GZF1: variants seen among roughly 807,000 people sequenced by gnomAD.
GZF1 encodes the protein GDNF inducible zinc finger protein 1.
In GZF1, 28 loss-of-function variants were observed where a neutral mutation model predicts 49.4. The ratio of observed to expected loss-of-function variants is 0.57; its 90% confidence interval spans 0.42 to 0.78. GZF1 has a LOEUF of 0.78. Ranked by LOEUF, GZF1 falls within the 30% of genes least tolerant of loss-of-function variation. The pLI, the probability that GZF1 is intolerant of heterozygous loss-of-function variation, is 0.00. For synonymous variants in GZF1, 364 were observed against 356.0 expected (o/e 1.02, Z -0.25); for missense variants, 798 against 916.2 (o/e 0.87, Z 1.67).
intron 4 of GZF1, 38 bp from the exon 5 acceptor site, chr20:23,369,546 A>G: frequency 1.9e-6 from 3 of 1,569,668 alleles, no homozygotes; most frequent in Non-Finnish European, 2.6e-6. Flanking sequence ...CAGTAGGCCA[A>G]AGGGACCCAC....
In GZF1 at chr20:23,365,563, C is replaced by A. The variant is rs1378193852; in HGVS notation, c.1180C>A (p.Arg394=). The change falls in exon 2 of 6, where the codon CGG becomes AGG. Residue 394 remains arginine, a synonymous_variant. Coordinates refer to ENST00000338121, the MANE Select transcript of GZF1 (RefSeq NM_022482.5). The part of the protein sequence containing the change: ...KKFKRKKDVK[R]HVLQVHEGGG... ...GTTCAAGCGCAAGAAGGACGTGAAG[C>A]GGCACGTGCTGCAGGTGCATGAGGG... is the stretch of plus-strand genomic sequence containing the variant. 2.5e-6 allele frequency: 4 copies of A among 1,612,114 alleles called. No individual in the cohort carries two copies. The highest frequency in any genetic ancestry group is 3.4e-6 in the Non-Finnish European group (4 of 1,179,626).
At chr20:23,366,298 T>C (rs1043025178) in intron 2 of GZF1, among the ~76,000 whole-genome samples, 14 of 152,252 alleles carry the variant, frequency 9.2e-5, no homozygotes, top group Admixed American at 7.2e-4. Flanking sequence ...AGTTTTCTTA[T>C]AGTTCTTAGT....
chr20:23,366,321 G>C (rs1981379186), intron 2 of GZF1, among the ~76,000 whole-genome samples: 1 of 152,166 alleles, frequency 6.6e-6, no homozygotes, highest in Non-Finnish European at 1.5e-5. Flanking sequence ...ATTTATTCTT[G>C]AAATCCCAAC....
At chr20:23,365,976 G>A (rs1981319874) in intron 2 of GZF1, among the ~76,000 whole-genome samples, 1 of 152,376 alleles carries the variant, frequency 6.6e-6, no homozygotes, top group South Asian at 2.1e-4. Flanking sequence ...ACGTCCCTCT[G>A]GTGGGACCGC....
chr20:23,367,199 A>G, intron 3 of GZF1, 102 bp downstream of exon 3: 1 of 771,126 alleles, frequency 1.3e-6, no homozygotes, highest in East Asian at 2.6e-5. Context: ...GTGCAGGTTA[A>G]AGCCATGATA....
chr20:23,365,301 G>C lies in GZF1; in HGVS notation c.918G>C (p.Glu306Asp), dbSNP rs529069905. The change falls in exon 2 of 6, where the codon GAG becomes GAC. Residue 306 changes from glutamate (E) to aspartate (D), a missense_variant. Transcript: ENST00000338121. ...AGGAGGAAGAGGAGGAGGAGGAGGA[G>C]GACGAAGAAGGGGAGAAGAAGAAGA... ...GPEEEEEEEE[E>D]DEEGEKKKSN... 4.4e-6 allele frequency: 7 copies of C among 1,605,168 alleles called. No individual in the cohort carries two copies. The highest frequency in any genetic ancestry group is 1.7e-4 in the Middle Eastern group (1 of 6,024).
In GZF1 at chr20:23,370,709, G is replaced by A. The variant is rs567323875; in HGVS notation, c.*268G>A. On this transcript the variant is annotated 3_prime_UTR_variant, in exon 6 of 6. Coordinates refer to ENST00000338121, the MANE Select transcript of GZF1 (RefSeq NM_022482.5). Reference sequence around the variant, plus strand: ...CACTTAATTCTGGTGTAGGGTGTATGTGCTAATCGTTCTAATTCTTGATTA... The same window carrying A: ...CACTTAATTCTGGTGTAGGGTGTATATGCTAATCGTTCTAATTCTTGATTA... 1.8e-5 allele frequency: 8 copies of A among 435,094 alleles called. No individual in the cohort carries two copies. The highest frequency in any genetic ancestry group is 3.3e-5 in the Non-Finnish European group (8 of 242,234). 27.0% of individuals were successfully genotyped at this position (435,094 alleles called of 1,614,324 possible).
chr20:23,366,381 G>T (rs1981390189), intron 2 of GZF1, among the ~76,000 whole-genome samples: 1 of 152,206 alleles, frequency 6.6e-6, no homozygotes, highest in African/African-American at 2.4e-5. Flanking sequence ...ACCTAGGTCA[G>T]TCTTGGGTTA....
At chr20:23,367,977 C>CA (rs941934177) in intron 3 of GZF1, among the ~76,000 whole-genome samples, 35 of 152,216 alleles carry the variant, frequency 2.3e-4, no homozygotes, top group African/African-American at 8.4e-4. Flanking sequence ...TTAGACACCA[C>CA]ATCTGTGTGA....
At chr20:23,364,148 A>G (rs1981014844) in intron 1 of GZF1, among the ~76,000 whole-genome samples, 1 of 152,236 alleles carries the variant, frequency 6.6e-6, no homozygotes, top group African/African-American at 2.4e-5. Context: ...CTTAGAATAC[A>G]CTATTTTTCA....
chr20:23,369,704 C>G lies in GZF1; in HGVS notation c.1748C>G (p.Thr583Arg). The change falls in exon 5 of 6, where the codon ACA (threonine) becomes AGA (arginine). Residue 583 changes from threonine to arginine, a missense_variant. Coordinates refer to ENST00000338121, the MANE Select transcript of GZF1 (RefSeq NM_022482.5). ...RPFMCNACGR[T>R]FTDKSTLRRH... is the part of the protein sequence containing the mutation. ...TTCATGTGCAATGCGTGCGGACGGA[C>G]ATTCACCGACAAGTCCACTCTTCGG... 1 of 1,613,554 alleles carries G rather than the reference C, an allele frequency of 6.2e-7. No individual in the cohort carries two copies. The highest frequency in any genetic ancestry group is 8.5e-7 in the Non-Finnish European group (1 of 1,179,736).
rs1280395999 is a variant in GZF1 at position 23,372,064 on chromosome 20, CTG to C, written c.*1625_*1626del. 2.0e-5 allele frequency: 3 copies of C among 152,610 alleles called. No individual in the cohort carries two copies. The highest frequency in any genetic ancestry group is 7.2e-5 in the African/African-American group (3 of 41,444). The allele number at this position is 152,610 out of a possible 1,614,324, so 9.5% of individuals were successfully genotyped here. ...TGTTTACAGCACAAATAAATAATGA[CTG>C]TCATACATCCAGAGGAGACCGAACC... On this transcript the variant is annotated 3_prime_UTR_variant, in exon 6 of 6. Transcript: ENST00000338121.
In GZF1 at chr20:23,365,411, C is replaced by T. The variant is rs1981211307; in HGVS notation, c.1028C>T (p.Ala343Val). ...CACAGCAAGCACCGCCACGGCGTGGCCACCGAGGTGGTGTACCGCTGCGAC... is the reference window on the plus strand; with the variant it reads ...CACAGCAAGCACCGCCACGGCGTGGTCACCGAGGTGGTGTACCGCTGCGAC... ...LKHSKHRHGV[A>V]TEVVYRCDTC... Residue 343 changes from alanine to valine, a missense_variant, in exon 2 of 6, where the codon GCC becomes GTC. Ala to Val is a moderately conservative substitution (Grantham distance 64). Around this residue, in one of 3 missense-constraint regions of GZF1, gnomAD observed 446 missense variants for 540.1 expected, o/e 0.83. Transcript: ENST00000338121. 1.2e-6 allele frequency: 2 copies of T among 1,613,728 alleles called. No individual in the cohort carries two copies. Among genetic ancestry groups the T allele is most frequent in the Non-Finnish European group, 1.7e-6 (2 of 1,180,044 alleles).
intron 2 of GZF1, among the ~76,000 whole-genome samples, chr20:23,365,987 G>A (rs749000925): frequency 7.9e-5 from 12 of 152,242 alleles, no homozygotes; most frequent in Non-Finnish European, 1.6e-4. Context: ...GTGGGACCGC[G>A]ACAGCGGCCG....
chr20:23,368,558 T>C (rs188566779), intron 3 of GZF1, among the ~76,000 whole-genome samples: 26 of 152,348 alleles, frequency 1.7e-4, no homozygotes, highest in Admixed American at 1.4e-3. Flanking sequence ...TCTTGCAATT[T>C]CCAAGGATAT....
chr20:23,365,564 G>C lies in GZF1; in HGVS notation c.1181G>C (p.Arg394Pro). 1.2e-6 allele frequency: 2 copies of C among 1,612,172 alleles called. No individual in the cohort carries two copies. Among genetic ancestry groups the C allele is most frequent in the South Asian group, 1.1e-5 (1 of 91,032 alleles). ...KKFKRKKDVK[R>P]HVLQVHEGGG... is the part of the protein sequence containing the mutation. ...TTCAAGCGCAAGAAGGACGTGAAGCGGCACGTGCTGCAGGTGCATGAGGGC... is the reference window on the plus strand; with the variant it reads ...TTCAAGCGCAAGAAGGACGTGAAGCCGCACGTGCTGCAGGTGCATGAGGGC... The change falls in exon 2 of 6, where the codon CGG (arginine) becomes CCG (proline). Residue 394 changes from arginine to proline, a missense_variant. By Grantham distance (103) the Arg-to-Pro change is moderately radical. Transcript: ENST00000338121.
upstream of GZF1, chr20:23,362,044 G>T (rs1158409650): frequency 2.6e-5 from 4 of 152,200 alleles, no homozygotes; most frequent in African/African-American, 9.6e-5. Flanking sequence ...TGCCCGAACC[G>T]CTCCGCCGCC....
In GZF1 at chr20:23,370,378, CGA is replaced by C. The variant is rs1568591586; in HGVS notation, c.2075_2076del (p.Glu692AlafsTer35). 2 of 1,613,972 alleles carry C rather than the reference CGA, an allele frequency of 1.2e-6. No homozygotes were observed. The highest frequency in any genetic ancestry group is 1.7e-6 in the Non-Finnish European group (2 of 1,179,872). ...TGGCCACCACCATCAGTGAGCTTAGCGAGCTGACCCCACAGACAGACTCGATG... is the reference window on the plus strand; with the variant it reads ...TGGCCACCACCATCAGTGAGCTTAGCGCTGACCCCACAGACAGACTCGATG... ...LLATTISELS[E>X]LTPQTDSMPT... On this transcript the variant is annotated frameshift_variant, in exon 6 of 6. Transcript: ENST00000338121. LOFTEE classifies it high-confidence loss of function.
rs745831660 is a variant in GZF1, at chr20:23,365,730, G to A, written c.1347G>A (p.Ala449=). The A allele has an allele frequency of 6.5e-6, 10 of 1,543,754 alleles. No homozygotes were observed. The highest frequency in any genetic ancestry group is 2.7e-5 in the African/African-American group (2 of 73,676). The change falls in exon 2 of 6, where the codon GCG becomes GCA. Residue 449 remains alanine (A), a synonymous_variant. Coordinates refer to ENST00000338121, the MANE Select transcript of GZF1 (RefSeq NM_022482.5). The part of the protein sequence containing the change: ...ECGARFSQPS[A]LKTHMRIHTG... Reference sequence around the variant, plus strand: ...GCGCCAGGTTCTCGCAGCCGTCCGCGCTCAAGACGCACATGAGGTACGCGG... The same window carrying A: ...GCGCCAGGTTCTCGCAGCCGTCCGCACTCAAGACGCACATGAGGTACGCGG...
Sources: gnomAD v4.1 joint callset for allele counts (sites outside exome capture counted in the v4.1 genomes callset) on GRCh38, gnomAD v4.1.1 for gene constraint, gnomAD v4.1.1 regional missense constraint, MANE v1.5 for transcripts, NCBI Gene and HGNC (gene_info 2026-07-23, HGNC 2026-07-21) for gene names.